SREBF2: variants seen among roughly 807,000 people sequenced by gnomAD.
SREBF2 encodes sterol regulatory element binding transcription factor 2, also known as sterol regulatory element-binding protein 2.
In SREBF2, 55 loss-of-function variants were observed where a neutral mutation model predicts 113.1. That is an observed-to-expected ratio of 0.49 (90% CI 0.39 to 0.61). The LOEUF (loss-of-function observed/expected upper bound fraction) is 0.61, where lower values mean the gene tolerates loss of function less well. Among genes scored for constraint, SREBF2 ranks in the 20% least tolerant of loss-of-function variants. The probability of loss-of-function intolerance (pLI) is 0.00; values close to 1 mark genes in which losing one functional copy is unlikely to be tolerated. For synonymous variants in SREBF2, 593 were observed against 605.7 expected, an observed-to-expected ratio of 0.98 and a Z score of 0.31; for missense variants, 1,349 against 1,487.4, an observed-to-expected ratio of 0.91 and a Z score of 1.53.
rs533628769 is a variant in SREBF2 at position 41,866,219 on chromosome 22, A to G, written c.89-612A>G. Among the ~76,000 whole-genome samples the G allele has an allele frequency of 1.2e-4, 19 of 152,328 alleles. No homozygotes were observed. The South Asian group carries it at 3.9e-3, about 32-fold the overall frequency. The stretch of plus-strand genomic sequence containing the variant: ...ACCTTCGACAGAACAGCACCCATCT[A>G]GTACAAAGGTAGTTCCTTTTATGAT... On this transcript the variant is annotated intron_variant, in intron 1 of 18. Coordinates refer to ENST00000361204, the MANE Select transcript of SREBF2 (RefSeq NM_004599.4).
chr22:41,886,509 C>T (rs2077300314), intron 11 of SREBF2, among the ~76,000 whole-genome samples: 1 of 152,154 alleles, frequency 6.6e-6, no homozygotes, highest in Non-Finnish European at 1.5e-5. Flanking sequence ...ATACAACATA[C>T]ATGCAGAAAA....
In SREBF2 at chr22:41,883,261, G is replaced by C. The variant is rs184341955; in HGVS notation, c.2039-1581G>C. ...AGATGAGGGCCAGGAATAACAGTAGGATGTGGTAACTGGAAGGTGTTAGAT... is the reference window on the plus strand; with the variant it reads ...AGATGAGGGCCAGGAATAACAGTAGCATGTGGTAACTGGAAGGTGTTAGAT... On this transcript the variant is annotated intron_variant, in intron 10 of 18. Coordinates refer to ENST00000361204, the MANE Select transcript of SREBF2 (RefSeq NM_004599.4). Among the ~76,000 whole-genome samples, 5 of 152,322 alleles carry C rather than the reference G, an allele frequency of 3.3e-5. No homozygotes were observed. In the East Asian group the frequency reaches 9.7e-4, roughly 29 times the overall value.
chr22:41,874,705 A>T (rs1293716853), intron 5 of SREBF2, among the ~76,000 whole-genome samples: 2 of 152,206 alleles, frequency 1.3e-5, no homozygotes, highest in Non-Finnish European at 2.9e-5. Flanking sequence ...CAGGAGTTCA[A>T]GACCAGCCTG....
chr22:41,875,788 GGAGGTCACAGTTAT>G, intron 7 of SREBF2, 64 bp downstream of exon 7: 1 of 1,581,776 alleles, frequency 6.3e-7, no homozygotes, highest in South Asian at 1.1e-5. Context: ...AAGATAGCTG[GGAGGTCACAGTTAT>G]GAGGCCAGGC....
rs538855001 is a variant in SREBF2, at chr22:41,875,119, C to G, written c.1090-218C>G. 2.0e-5 allele frequency among the ~76,000 whole-genome samples: 3 copies of G among 152,290 alleles called. No homozygotes were observed. The South Asian group carries it at 6.2e-4, about 32-fold the overall frequency. ...CCCTGCTGCAAGCCTGTGATTCACG[C>G]GCTTTCATTATCTCTGTGCTAATGA... On this transcript the variant is annotated intron_variant, in intron 5 of 18. Coordinates refer to ENST00000361204, the MANE Select transcript of SREBF2 (RefSeq NM_004599.4).
chr22:41,884,008 T>C (rs2077274666), intron 10 of SREBF2, among the ~76,000 whole-genome samples: 2 of 152,166 alleles, frequency 1.3e-5, no homozygotes, highest in Admixed American at 1.3e-4. Context: ...GCACCTCTCA[T>C]AGGGGAGGGT....
chr22:41,838,821 C>G lies in SREBF2; in HGVS notation c.88+5463C>G, dbSNP rs78841122. 3.6e-3 allele frequency among the ~76,000 whole-genome samples: 542 copies of G among 152,238 alleles called. 4 individuals carry two copies. Among genetic ancestry groups the G allele is most frequent in the Non-Finnish European group, 6.2e-3 (425 of 68,010 alleles). On this transcript the variant is annotated intron_variant, in intron 1 of 18. Transcript: ENST00000361204. Reference sequence around the variant, plus strand: ...AGGGAGGCCAATTAGGAAACTGTAGCCATCCAGGTGTGAGGTGATGAAGGG... The same window carrying G: ...AGGGAGGCCAATTAGGAAACTGTAGGCATCCAGGTGTGAGGTGATGAAGGG...
chr22:41,864,261 T>TACACACACACAC (rs1158750306), intron 1 of SREBF2, among the ~76,000 whole-genome samples: 21 of 51,002 alleles, frequency 4.1e-4, no homozygotes, highest in African/African-American at 1.3e-3. Flanking sequence ...TATATATATA[T>TACACACACACAC]ACACACACAC....
intron 15 of SREBF2, chr22:41,899,372 A>C: frequency 9.9e-7 from 1 of 1,011,186 alleles, no homozygotes. Context: ...ATTCGGCACT[A>C]GTGATGGGCA....
At chr22:41,850,108 C>G (rs1232374504) in intron 1 of SREBF2, among the ~76,000 whole-genome samples, 1 of 151,638 alleles carries the variant, frequency 6.6e-6, no homozygotes, top group African/African-American at 2.4e-5. Context: ...CCACTGCACT[C>G]TAGCCTGGGT....
At chr22:41,896,001 C>T (rs994991480) in intron 13 of SREBF2, among the ~76,000 whole-genome samples, 1 of 151,892 alleles carries the variant, frequency 6.6e-6, no homozygotes, top group Non-Finnish European at 1.5e-5. Context: ...ATTAGCCAGG[C>T]GTGGTGGCGG....
At position 41,843,844 on chromosome 22, in the gene SREBF2, T is replaced by TA. The variant is rs769811734; in HGVS notation, c.88+10500dup. On this transcript the variant is annotated intron_variant, in intron 1 of 18. Transcript: ENST00000361204. ...ACAACATAGTGAGACCCCATTTCTG[T>TA]AAAAAAAAAAAAAATACAAAAATTA... is the stretch of plus-strand genomic sequence containing the variant. 4.4e-3 allele frequency among the ~76,000 whole-genome samples: 609 copies of TA among 138,228 alleles called. 2 individuals are homozygous for TA. Among genetic ancestry groups the TA allele is most frequent in the African/African-American group, 6.4e-3 (239 of 37,552 alleles). 90.7% of individuals were successfully genotyped at this position (138,228 alleles called of 152,430 possible). A position where few individuals can be genotyped will look rare whatever the true frequency, so the allele number is the denominator to read the frequency against.
intron 15 of SREBF2, 127 bp from the exon 16 acceptor site, chr22:41,900,203 G>A: frequency 6.5e-7 from 1 of 1,532,254 alleles, no homozygotes; most frequent in Non-Finnish European, 8.7e-7. Flanking sequence ...CATAGTGGCA[G>A]CATTGGAGTC....
chr22:41,863,894 T>C (rs145108124), intron 1 of SREBF2, among the ~76,000 whole-genome samples: 1 of 151,994 alleles, frequency 6.6e-6, no homozygotes, highest in African/African-American at 2.4e-5. Context: ...TATTTATTTA[T>C]TTTTTGGGAC....
intron 3 of SREBF2, among the ~76,000 whole-genome samples, chr22:41,869,898 G>A (rs1356920049): frequency 6.6e-6 from 1 of 150,652 alleles, no homozygotes; most frequent in Admixed American, 6.6e-5. Flanking sequence ...CTGTCGCCCA[G>A]GCTGGAGTGC....
Position 41,875,427 on chromosome 22 carries a change from C to T in SREBF2, c.1180C>T (p.Leu394=), listed in dbSNP as rs780320915. The T allele has an allele frequency of 6.2e-7, 1 of 1,614,222 alleles. No individual in the cohort carries two copies. Among genetic ancestry groups the T allele is most frequent in the Admixed American group, 1.7e-5 (1 of 60,022 alleles). Residue 394 remains leucine (L), a synonymous_variant, in exon 6 of 19, where the codon CTG becomes TTG. Transcript: ENST00000361204. ...TAAACTGCGCCAGGAGAACATGGTGCTGAAGCTGGCAAATCAAAAGAACAG... is the reference window on the plus strand; with the variant it reads ...TAAACTGCGCCAGGAGAACATGGTGTTGAAGCTGGCAAATCAAAAGAACAG... ...NHKLRQENMV[L]KLANQKNKLL...
At chr22:41,868,185 TC>T (rs2077104600) in intron 2 of SREBF2, among the ~76,000 whole-genome samples, 1 of 152,176 alleles carries the variant, frequency 6.6e-6, no homozygotes, top group Admixed American at 6.5e-5. Context: ...ATCTTATAGT[TC>T]TTCAATGGAG....
At chr22:41,858,739 C>G (rs112736591) in intron 1 of SREBF2, among the ~76,000 whole-genome samples, 4 of 146,872 alleles carry the variant, frequency 2.7e-5, no homozygotes, top group African/African-American at 1.0e-4. Context: ...AGAGTAAGAC[C>G]CTGTCTCTAA....
rs1009987412 is a variant in SREBF2, at chr22:41,902,228, G to A, written c.2908-742G>A. The stretch of plus-strand genomic sequence containing the variant: ...TCTCAACAAGGACTCCTCACTGCTC[G>A]GTGTCGTGCAGGTGTGCCACTGCGA... On this transcript the variant is annotated intron_variant, in intron 16 of 18. Transcript: ENST00000361204. 7.9e-5 allele frequency among the ~76,000 whole-genome samples: 12 copies of A among 152,208 alleles called. 1 individual carries two copies. The highest frequency in any genetic ancestry group is 5.9e-4 in the Admixed American group (9 of 15,276).
Sources: gnomAD v4.1 joint callset for allele counts (sites outside exome capture counted in the v4.1 genomes callset) on GRCh38, gnomAD v4.1.1 for gene constraint, MANE v1.5 for transcripts, NCBI Gene and HGNC (gene_info 2026-07-23, HGNC 2026-07-21) for gene names.